SYT14: variants seen among roughly 807,000 people sequenced by gnomAD.
SYT14 encodes synaptotagmin 14.
A neutral mutation model predicts 74.2 loss-of-function variants in SYT14; 32 were observed. That is an observed-to-expected ratio of 0.43 (90% CI 0.33 to 0.58). SYT14 has a LOEUF of 0.58. SYT14 is among the 20% of genes least tolerant of loss of function. The pLI is 0.05. For synonymous variants in SYT14, 298 were observed against 337.7 expected, an observed-to-expected ratio of 0.88 and a Z score of 1.29; for missense variants, 791 against 981.8, an observed-to-expected ratio of 0.81 and a Z score of 2.60.
intron 1 of SYT14, among the ~76,000 whole-genome samples, chr1:209,939,449 G>A (rs1274734657): frequency 1.3e-5 from 2 of 152,196 alleles, no homozygotes; most frequent in Admixed American, 6.5e-5. Context: ...TTAGCTGTGT[G>A]TTTACATGTA....
chr1:210,104,869 A>T (rs1451395253), intron 7 of SYT14, among the ~76,000 whole-genome samples: 2 of 152,166 alleles, frequency 1.3e-5, no homozygotes, highest in African/African-American at 4.8e-5. Flanking sequence ...AGGAGTCTTT[A>T]TTAAATCCTT....
At chr1:209,992,615 A>G (rs2079712871) in intron 2 of SYT14, among the ~76,000 whole-genome samples, 1 of 152,186 alleles carries the variant, frequency 6.6e-6, no homozygotes, top group African/African-American at 2.4e-5. Context: ...GCTACGCTAA[A>G]AACACCACTA....
chr1:209,947,379 G>A (rs2078839445), intron 1 of SYT14, among the ~76,000 whole-genome samples: 1 of 152,146 alleles, frequency 6.6e-6, no homozygotes, highest in Non-Finnish European at 1.5e-5. Flanking sequence ...TTCATTAGAG[G>A]AGGCCAAAAT....
chr1:209,939,374 A>T (rs2078692058), intron 1 of SYT14, among the ~76,000 whole-genome samples: 1 of 152,240 alleles, frequency 6.6e-6, no homozygotes, highest in Non-Finnish European at 1.5e-5. Flanking sequence ...CTAAGTGATC[A>T]ATCACTGGTA....
chr1:209,986,636 C>T (rs2102820897), intron 2 of SYT14, among the ~76,000 whole-genome samples: 1 of 152,102 alleles, frequency 6.6e-6, no homozygotes, highest in African/African-American at 2.4e-5. Flanking sequence ...ATTTCTTCCG[C>T]CAGATACCTT....
intron 7 of SYT14, among the ~76,000 whole-genome samples, chr1:210,113,496 A>G (rs976356945): frequency 6.6e-6 from 1 of 151,346 alleles, no homozygotes; most frequent in Non-Finnish European, 1.5e-5. Flanking sequence ...TTAAAAGGCC[A>G]TGCTGTAACA....
chr1:210,035,332 A>G (rs998447670), intron 5 of SYT14, among the ~76,000 whole-genome samples: 11 of 151,802 alleles, frequency 7.2e-5, no homozygotes, highest in Admixed American at 6.6e-4. Flanking sequence ...TATCAGATGC[A>G]TAGTTTGGAA....
At chr1:209,942,762 A>G (rs1411956576) in intron 1 of SYT14, among the ~76,000 whole-genome samples, 3 of 152,110 alleles carry the variant, frequency 2.0e-5, no homozygotes, top group African/African-American at 7.2e-5. Context: ...TTTCTCTTCC[A>G]TAAGGGTATC....
intron 7 of SYT14, among the ~76,000 whole-genome samples, chr1:210,104,096 A>G (rs2082118106): frequency 1.3e-5 from 2 of 152,230 alleles, no homozygotes; most frequent in Non-Finnish European, 2.9e-5. Context: ...TCATGTTTCC[A>G]TGAAGTTGAT....
chr1:210,098,087 A>G (rs2081997174), intron 6 of SYT14, among the ~76,000 whole-genome samples: 1 of 151,988 alleles, frequency 6.6e-6, no homozygotes, highest in Non-Finnish European at 1.5e-5. Context: ...AGGCAGGAGG[A>G]TCACTTGAGC....
intron 5 of SYT14, among the ~76,000 whole-genome samples, chr1:210,046,244 G>C (rs560693982): frequency 3.3e-4 from 50 of 152,202 alleles, no homozygotes; most frequent in African/African-American, 1.1e-3. Context: ...CATGGTAGCA[G>C]GCACCTGTAA....
chr1:209,956,430 CT>C (rs1401809781), intron 2 of SYT14, among the ~76,000 whole-genome samples: 1 of 152,004 alleles, frequency 6.6e-6, no homozygotes, highest in Non-Finnish European at 1.5e-5. Context: ...CAGCACATGG[CT>C]TTGGAGGTTA....
At chr1:209,997,821 A>G (rs1288717212) in intron 2 of SYT14, among the ~76,000 whole-genome samples, 1 of 152,074 alleles carries the variant, frequency 6.6e-6, no homozygotes, top group African/African-American at 2.4e-5. Context: ...TTGAAAGTAA[A>G]AATTTATTAT....
intron 5 of SYT14, among the ~76,000 whole-genome samples, chr1:210,023,454 C>G (rs1030392078): frequency 1.3e-5 from 2 of 152,170 alleles, no homozygotes; most frequent in African/African-American, 4.8e-5. Flanking sequence ...AGAGATTCTC[C>G]TGCCTCAGCC....
intron 2 of SYT14, among the ~76,000 whole-genome samples, chr1:210,008,849 A>T (rs1471935796): frequency 1.3e-5 from 2 of 152,142 alleles, no homozygotes; most frequent in Non-Finnish European, 2.9e-5. Flanking sequence ...GGGAAATTCT[A>T]CTCCTATAAT....
At chr1:209,945,655 T>C (rs891781624) in intron 1 of SYT14, among the ~76,000 whole-genome samples, 7 of 152,228 alleles carry the variant, frequency 4.6e-5, no homozygotes, top group African/African-American at 1.7e-4. Flanking sequence ...CTTTCAGTGT[T>C]TGACCAAGAA....
At chr1:209,967,717 G>A (rs1188264503) in intron 2 of SYT14, among the ~76,000 whole-genome samples, 2 of 151,846 alleles carry the variant, frequency 1.3e-5, no homozygotes, top group Admixed American at 6.6e-5. Context: ...ATCATTATAG[G>A]TAAAGGTTTA....
At chr1:209,983,449 T>A (rs926370067) in intron 2 of SYT14, among the ~76,000 whole-genome samples, 6 of 152,232 alleles carry the variant, frequency 3.9e-5, no homozygotes, top group Admixed American at 1.3e-4. Context: ...TTTATCTTAA[T>A]GTTTACTGAG....
chr1:209,957,553 A>G (rs1483096425), intron 2 of SYT14, among the ~76,000 whole-genome samples: 1 of 151,786 alleles, frequency 6.6e-6, no homozygotes, highest in Non-Finnish European at 1.5e-5. Context: ...CAGCCTCCCA[A>G]GTAGCTGGGA....
Sources: gnomAD v4.1 joint callset for allele counts (sites outside exome capture counted in the v4.1 genomes callset) on GRCh38, gnomAD v4.1.1 for gene constraint, MANE v1.5 for transcripts, NCBI Gene and HGNC (gene_info 2026-07-23, HGNC 2026-07-21) for gene names.